NCOR1: variants seen among roughly 807,000 people sequenced by gnomAD.
The protein encoded by NCOR1 is nuclear receptor corepressor 1.
Under a neutral mutation model 288.1 loss-of-function variants are expected in NCOR1, and 63 were observed. That is an observed-to-expected ratio of 0.22 (90% confidence interval 0.18 to 0.27). The LOEUF (loss-of-function observed/expected upper bound fraction) is 0.27. NCOR1 is among the 10% of genes least tolerant of loss of function. NCOR1 has a pLI of 1.00. For missense variants in NCOR1, 2,397 were observed against 3,019.2 expected (o/e 0.79, Z 4.83); for synonymous variants, 1,007 against 1,065.9 (o/e 0.94, Z 1.08).
At chr17:16,033,228 G>A (rs570244188) in intron 45 of NCOR1, among the ~76,000 whole-genome samples, 2 of 151,652 alleles carry the variant, frequency 1.3e-5, no homozygotes, top group Admixed American at 6.6e-5. Flanking sequence ...CCAGCTAGTC[G>A]GGAGGCTGAG....
intron 14 of NCOR1, among the ~76,000 whole-genome samples, chr17:16,131,224 G>GT (rs1283146537): frequency 6.7e-6 from 1 of 148,548 alleles, no homozygotes; most frequent in Admixed American, 6.7e-5. Context: ...AATTTTTAAA[G>GT]TTTTTGTCCA....
intron 3 of NCOR1, among the ~76,000 whole-genome samples, chr17:16,175,797 T>A (rs536790734): frequency 6.7e-6 from 1 of 149,620 alleles, no homozygotes; most frequent in African/African-American, 2.5e-5. Context: ...GGCAGGAGGA[T>A]CACTTGAACC....
At chr17:16,034,438 T>C (rs1484292026) in intron 45 of NCOR1, among the ~76,000 whole-genome samples, 1 of 151,818 alleles carries the variant, frequency 6.6e-6, no homozygotes, top group Non-Finnish European at 1.5e-5. Context: ...AAAATAAAAA[T>C]TAAAATGAAA....
intron 23 of NCOR1, among the ~76,000 whole-genome samples, chr17:16,082,941 A>G (rs535073120): frequency 3.0e-4 from 46 of 152,192 alleles, no homozygotes; most frequent in Non-Finnish European, 5.4e-4. Context: ...TCTGCCTAAC[A>G]GTAAAATACT....
intron 14 of NCOR1, among the ~76,000 whole-genome samples, chr17:16,126,433 C>A (rs537678628): frequency 1.3e-5 from 2 of 152,046 alleles, no homozygotes; most frequent in Non-Finnish European, 1.5e-5. Flanking sequence ...TTTGGACCCA[C>A]GAGAAAGTGA....
chr17:16,188,489 T>C (rs2087276807), intron 2 of NCOR1, among the ~76,000 whole-genome samples: 1 of 151,318 alleles, frequency 6.6e-6, no homozygotes. Flanking sequence ...CGTGCTCCTG[T>C]AATCCCAGCT....
chr17:16,149,613 A>G, intron 8 of NCOR1, 96 bp from the exon 9 acceptor site: 1 of 494,002 alleles, frequency 2.0e-6, no homozygotes. Flanking sequence ...ATAGGCAAAG[A>G]TCACTTAAGA....
chr17:16,127,009 C>G (rs2153194985), intron 14 of NCOR1, among the ~76,000 whole-genome samples: 1 of 152,142 alleles, frequency 6.6e-6, no homozygotes, highest in East Asian at 1.9e-4. Context: ...CATGTAACTT[C>G]TATTACAGTA....
At chr17:16,112,842 A>T (rs144994592) in intron 18 of NCOR1, among the ~76,000 whole-genome samples, 1 of 152,300 alleles carries the variant, frequency 6.6e-6, no homozygotes, top group Admixed American at 6.5e-5. Flanking sequence ...CACTTACTAT[A>T]TCAGAAACTA....
intron 9 of NCOR1, among the ~76,000 whole-genome samples, chr17:16,147,376 T>C (rs1245265430): frequency 6.6e-6 from 1 of 151,346 alleles, no homozygotes; most frequent in Non-Finnish European, 1.5e-5. Context: ...ACCACTGCAC[T>C]CCAACCTGGG....
At chr17:16,210,467 T>C (rs2092012457) in intron 1 of NCOR1, among the ~76,000 whole-genome samples, 1 of 152,140 alleles carries the variant, frequency 6.6e-6, no homozygotes, top group Admixed American at 6.6e-5. Flanking sequence ...AAAATTTCCA[T>C]CACTATTAAT....
rs1448487192 is a variant in NCOR1 at position 16,108,916 on chromosome 17, A to C, written c.2056-4T>G. ...CTTCACGAGGTTTTCGTGAAGTCTA[A>C]AGGAGGAAAGAGTATTATTTGATTT... On this transcript the variant is annotated splice_polypyrimidine_tract_variant and splice_region_variant and intron_variant, in intron 18 of 45. Transcript: ENST00000268712. The C allele has an allele frequency of 6.4e-7, 1 of 1,563,962 alleles. No individual in the cohort carries two copies. The highest frequency in any genetic ancestry group is 2.0e-5 in the Admixed American group (1 of 49,014).
intron 3 of NCOR1, among the ~76,000 whole-genome samples, chr17:16,181,211 A>ATGTATGTATGTATGTG (rs758395387): frequency 2.1e-3 from 295 of 139,568 alleles, no homozygotes; most frequent in Middle Eastern, 3.8e-3. Flanking sequence ...ATATATATGT[A>ATGTATGTATGTATGTG]TGTGTGTGTG....
At chr17:16,075,022 C>T (rs2062249160) in intron 27 of NCOR1, among the ~76,000 whole-genome samples, 1 of 152,102 alleles carries the variant, frequency 6.6e-6, no homozygotes, top group South Asian at 2.1e-4. Flanking sequence ...CGCCCGCCAC[C>T]ATGCCCGGCT....
chr17:16,044,998 A>AC, intron 42 of NCOR1: 7 of 469,520 alleles, frequency 1.5e-5, no homozygotes, highest in Admixed American at 3.5e-5. Context: ...GCTGAACTTA[A>AC]GAAAAAAAAA....
intron 3 of NCOR1, among the ~76,000 whole-genome samples, chr17:16,178,011 A>T (rs1245242303): frequency 6.7e-6 from 1 of 149,276 alleles, no homozygotes; most frequent in African/African-American, 2.5e-5. Context: ...GGAGTTCGAG[A>T]CTAGCCTGGC....
chr17:16,089,652 T>G (rs2064856951), intron 22 of NCOR1, among the ~76,000 whole-genome samples: 1 of 152,132 alleles, frequency 6.6e-6, no homozygotes, highest in African/African-American at 2.4e-5. Context: ...GTACCAATAT[T>G]TGGTGATACT....
intron 14 of NCOR1, among the ~76,000 whole-genome samples, chr17:16,134,167 A>C (rs772311825): frequency 1.3e-5 from 2 of 152,288 alleles, no homozygotes; most frequent in South Asian, 2.1e-4. Flanking sequence ...CCTTAAACTA[A>C]CACCACCTAA....
At chr17:16,092,652 TATATATA>T (rs2065393327) in intron 21 of NCOR1, among the ~76,000 whole-genome samples, 9 of 11,166 alleles carry the variant, frequency 8.1e-4, no homozygotes, top group South Asian at 7.8e-3. Flanking sequence ...TCCATTTATA[TATATATA>T]TATATATATA....
Sources: gnomAD v4.1 joint callset for allele counts (sites outside exome capture counted in the v4.1 genomes callset) on GRCh38, gnomAD v4.1.1 for gene constraint, MANE v1.5 for transcripts, NCBI Gene and HGNC (gene_info 2026-07-23, HGNC 2026-07-21) for gene names.